Variants in NFATC2 observed in about 807,000 individuals in gnomAD.
The protein encoded by NFATC2 is nuclear factor of activated T-cells, cytoplasmic 2.
A neutral mutation model predicts 87.3 loss-of-function variants in NFATC2; 22 were observed. The ratio of observed to expected loss-of-function variants is 0.25; its 90% CI spans 0.18 to 0.36. NFATC2 has a LOEUF of 0.36. Among genes scored for constraint, NFATC2 ranks in the 10% least tolerant of loss-of-function variants. The pLI is 1.00. For missense variants in NFATC2, 1,149 were observed against 1,259.1 expected (o/e 0.91, Z 1.32); for synonymous variants, 565 against 542.2 (o/e 1.04, Z -0.58).
At chr20:51,560,705 G>A (rs73263784) in intron 1 of NFATC2, among the ~76,000 whole-genome samples, 1,536 of 151,950 alleles carry the variant, frequency 0.01, 28 homozygotes, top group African/African-American at 0.035. Context: ...GGAACAATCT[G>A]GTGCCCTTGT....
At chr20:51,410,073 G>A (rs987457118) in intron 9 of NFATC2, among the ~76,000 whole-genome samples, 6 of 152,064 alleles carry the variant, frequency 3.9e-5, no homozygotes, top group African/African-American at 1.5e-4. Flanking sequence ...AGCCAGGCGT[G>A]GTGGCGGGCG....
intron 3 of NFATC2, among the ~76,000 whole-genome samples, chr20:51,495,276 C>T (rs961453758): frequency 6.6e-5 from 10 of 152,132 alleles, no homozygotes; most frequent in African/African-American, 9.7e-5. Flanking sequence ...TTTGTAGACA[C>T]GGGATTTCAC....
chr20:51,491,375 G>A (rs555793138), intron 3 of NFATC2, among the ~76,000 whole-genome samples: 23 of 152,278 alleles, frequency 1.5e-4, no homozygotes, highest in African/African-American at 2.9e-4. Context: ...CAGGTAGCCC[G>A]TCTGTCTGTC....
At chr20:51,503,327 T>A (rs781637997) in intron 3 of NFATC2, among the ~76,000 whole-genome samples, 4 of 152,226 alleles carry the variant, frequency 2.6e-5, no homozygotes, top group African/African-American at 4.8e-5. Context: ...TCTCATTGAC[T>A]CCTGTAAAAA....
intron 3 of NFATC2, among the ~76,000 whole-genome samples, chr20:51,479,848 C>G (rs915479118): frequency 6.6e-5 from 10 of 152,198 alleles, no homozygotes; most frequent in Admixed American, 3.9e-4. Context: ...TCCAGCCTCT[C>G]AGGCTCCGAA....
At chr20:51,488,955 A>G (rs188689258) in intron 3 of NFATC2, among the ~76,000 whole-genome samples, 20 of 152,234 alleles carry the variant, frequency 1.3e-4, no homozygotes, top group Admixed American at 1.0e-3. Flanking sequence ...TTGGGAGGCC[A>G]AGGCAGGCGG....
intron 3 of NFATC2, among the ~76,000 whole-genome samples, chr20:51,508,508 T>C (rs2076221104): frequency 6.6e-6 from 1 of 152,072 alleles, no homozygotes; most frequent in Non-Finnish European, 1.5e-5. Context: ...ATCAAAAGAC[T>C]GGTATAGACA....
intron 1 of NFATC2, among the ~76,000 whole-genome samples, chr20:51,529,750 T>A (rs2076603546): frequency 6.6e-6 from 1 of 152,192 alleles, no homozygotes; most frequent in Admixed American, 6.5e-5. Context: ...ATTCACTCAC[T>A]TATTTTTTTT....
intron 3 of NFATC2, among the ~76,000 whole-genome samples, chr20:51,502,303 C>T (rs6123045): frequency 0.27 from 40,417 of 152,090 alleles, 5,645 homozygotes; most frequent in East Asian, 0.4. Context: ...GCTAAACTAT[C>T]TACTAATCAG....
intron 10 of NFATC2, among the ~76,000 whole-genome samples, chr20:51,397,073 A>T (rs1403579519): frequency 1.6e-5 from 2 of 127,848 alleles, no homozygotes; most frequent in African/African-American, 6.4e-5. Context: ...TTGTATTTTT[A>T]GTAGTGACGG....
Position 51,473,892 on chromosome 20 carries a change from G to C in NFATC2, c.1708+88C>G, listed in dbSNP as rs79617446. 8 of 1,438,610 alleles carry C rather than the reference G, an allele frequency of 5.6e-6. No individual in the cohort carries two copies. The African/African-American group carries it at 1.1e-4, about 20-fold the overall frequency. The allele number at this position is 1,438,610 out of a possible 1,614,324, so 89.1% of individuals were successfully genotyped here. A position where few individuals can be genotyped will look rare whatever the true frequency, so the allele number is the denominator to read the frequency against. On this transcript the variant is annotated intron_variant, in intron 5 of 10. Transcript: ENST00000371564. ...CACACATTCCCGCAGGCCACCCCGGGTACCTCGCCCAGAATACACTGCTCC... is the reference window on the plus strand; with the variant it reads ...CACACATTCCCGCAGGCCACCCCGGCTACCTCGCCCAGAATACACTGCTCC...
chr20:51,501,576 C>T (rs539553869), intron 3 of NFATC2, among the ~76,000 whole-genome samples: 4 of 152,324 alleles, frequency 2.6e-5, no homozygotes, highest in East Asian at 1.9e-4. Flanking sequence ...CCTCACTGCA[C>T]TCAAAATTCC....
intron 3 of NFATC2, among the ~76,000 whole-genome samples, chr20:51,490,912 T>C (rs2075871201): frequency 6.6e-6 from 1 of 152,102 alleles, no homozygotes; most frequent in African/African-American, 2.4e-5. Flanking sequence ...GCAGAGGAGG[T>C]GCTGAAGCAC....
At chr20:51,470,742 T>C (rs1166186611) in intron 5 of NFATC2, among the ~76,000 whole-genome samples, 1 of 152,224 alleles carries the variant, frequency 6.6e-6, no homozygotes, top group Non-Finnish European at 1.5e-5. Context: ...ATTGCTAACA[T>C]GTATTTACTG....
intron 10 of NFATC2, 58 bp downstream of exon 10, chr20:51,398,585 T>C: frequency 3.9e-6 from 5 of 1,279,860 alleles, no homozygotes; most frequent in Non-Finnish European, 5.4e-6. Context: ...AAAAAAAAAT[T>C]CAAGTTAAGG....
At chr20:51,552,106 G>A (rs2076939584) in intron 1 of NFATC2, among the ~76,000 whole-genome samples, 1 of 152,150 alleles carries the variant, frequency 6.6e-6, no homozygotes, top group Non-Finnish European at 1.5e-5. Context: ...AGGCCAAGGT[G>A]GGAGGATCGC....
intron 3 of NFATC2, among the ~76,000 whole-genome samples, chr20:51,487,440 T>G (rs1989808217): frequency 6.6e-6 from 1 of 152,126 alleles, no homozygotes; most frequent in South Asian, 2.1e-4. Context: ...TGGCACATGT[T>G]TACCTATGGA....
intron 9 of NFATC2, among the ~76,000 whole-genome samples, chr20:51,408,950 C>T (rs1202736358): frequency 2.0e-5 from 3 of 152,194 alleles, no homozygotes; most frequent in Non-Finnish European, 4.4e-5. Context: ...GACAACACAT[C>T]ATCCTAAACT....
At chr20:51,538,343 A>G (rs2076753458) in intron 1 of NFATC2, among the ~76,000 whole-genome samples, 1 of 152,234 alleles carries the variant, frequency 6.6e-6, no homozygotes, top group South Asian at 2.1e-4. Context: ...GATGCTAAAA[A>G]AGCCTTTGAT....
Sources: allele counts gnomAD v4.1 joint callset (sites outside exome capture counted in the v4.1 genomes callset), GRCh38; gene constraint gnomAD v4.1.1; transcripts MANE v1.5; gene names NCBI Gene and HGNC (gene_info 2026-07-23, HGNC 2026-07-21).